GCKR: variants seen among roughly 807,000 people sequenced by gnomAD.
GCKR encodes glucokinase regulatory protein.
GCKR carries 73 observed loss-of-function variants against 82.9 expected under a neutral mutation model. That is an observed-to-expected ratio of 0.88 (90% confidence interval 0.73 to 1.07). The LOEUF is 1.07. Ranked by LOEUF, GCKR falls within the 50% of genes least tolerant of loss-of-function variation. The probability of loss-of-function intolerance (pLI) is 0.00; values close to 1 mark genes in which losing one functional copy is unlikely to be tolerated. For synonymous variants in GCKR, 294 were observed against 291.8 expected (o/e 1.01, Z -0.08); for missense variants, 784 against 782.1 (o/e 1.00, Z -0.03).
intron 16 of GCKR, among the ~76,000 whole-genome samples, chr2:27,511,589 G>A (rs1186898269): frequency 2.0e-5 from 3 of 151,610 alleles, no homozygotes; most frequent in African/African-American, 7.3e-5. Context: ...ATCCCAGCTA[G>A]TCGGGAGGCT....
intron 16 of GCKR, among the ~76,000 whole-genome samples, chr2:27,513,671 ATTAT>A (rs933449145): frequency 6.6e-6 from 1 of 151,892 alleles, no homozygotes; most frequent in Non-Finnish European, 1.5e-5. Flanking sequence ...CTTATTATTC[ATTAT>A]TTATTTTAAT....
At chr2:27,511,234 G>T (rs1004066210) in intron 16 of GCKR, among the ~76,000 whole-genome samples, 3 of 151,718 alleles carry the variant, frequency 2.0e-5, no homozygotes, top group Non-Finnish European at 2.9e-5. Context: ...CACCATGTTG[G>T]CCGGGCTGGT....
chr2:27,505,268 C>T (rs1316761195), intron 9 of GCKR, among the ~76,000 whole-genome samples: 16 of 140,100 alleles, frequency 1.1e-4, no homozygotes, highest in Non-Finnish European at 1.7e-4. Context: ...TGGTGGCGGG[C>T]GCCTGTAGTC....
chr2:27,512,015 C>A (rs1669894511), intron 16 of GCKR, among the ~76,000 whole-genome samples: 1 of 151,844 alleles, frequency 6.6e-6, no homozygotes, highest in South Asian at 2.1e-4. Flanking sequence ...CCAAGGCAGG[C>A]AGATCACAAG....
intron 16 of GCKR, 39 bp downstream of exon 16, chr2:27,508,290 T>C (rs1255691097): frequency 2.4e-6 from 3 of 1,265,480 alleles, no homozygotes; most frequent in African/African-American, 2.9e-5. Flanking sequence ...AGTAAGGGGC[T>C]CAGAGGGTGA....
At position 27,501,135 on chromosome 2, in the gene GCKR, G is replaced by C. The variant is rs200192409; in HGVS notation, c.550G>C (p.Ala184Pro). 2 of 1,609,186 alleles carry C rather than the reference G, an allele frequency of 1.2e-6. No homozygotes were observed. Among genetic ancestry groups the C allele is most frequent in the African/African-American group, 2.7e-5 (2 of 74,932 alleles). ...IVIGISVGLS[A>P]PFVAGQMDCC... ...TGCCCTTCTCTCTCTTCACCATCAG[G>C]CTCCCTTTGTGGCAGGCCAGATGGA... Residue 184 changes from alanine (A) to proline (P), a missense_variant and splice_region_variant, in exon 8 of 19, where the codon GCT becomes CCT. By Grantham distance (27) the Ala-to-Pro change is conservative (BLOSUM62 -1). Coordinates refer to ENST00000264717, the MANE Select transcript of GCKR (RefSeq NM_001486.4).
At chr2:27,507,177 G>A in intron 12 of GCKR, 58 bp from the exon 13 acceptor site, 1 of 1,212,634 alleles carries the variant, frequency 8.2e-7, no homozygotes, top group Admixed American at 1.7e-5. Flanking sequence ...CTGAAGCCTA[G>A]AACCTTCCTT....
Position 27,496,840 on chromosome 2 carries a change from T to C in GCKR, c.-65T>C, listed in dbSNP as rs1669423127. On this transcript the variant is annotated 5_prime_UTR_variant, in exon 1 of 19. Coordinates refer to ENST00000264717, the MANE Select transcript of GCKR (RefSeq NM_001486.4). ...GCCCTGCCAACTGGAAGCAGAGTCA[T>C]TGTGACCAGAGGGGTTTGTGTGGCT... The C allele has an allele frequency of 5.2e-6, 7 of 1,343,960 alleles. No individual in the cohort carries two copies. Among genetic ancestry groups the C allele is most frequent in the East Asian group, 4.6e-5 (2 of 43,664 alleles). 83.3% of individuals were successfully genotyped at this position (1,343,960 alleles called of 1,614,324 possible).
chr2:27,506,754 ATC>A (rs767426540), intron 11 of GCKR, 32 bp from the exon 12 acceptor site: 5 of 1,377,730 alleles, frequency 3.6e-6, no homozygotes, highest in East Asian at 2.3e-5. Context: ...TTGCACGGTG[ATC>A]TCTCATGTCC....
Position 27,507,752 on chromosome 2 carries a change from T to C in GCKR, c.1215T>C (p.Thr405=), listed in dbSNP as rs140213973. Residue 405 remains threonine, a synonymous_variant, in exon 14 of 19, where the codon ACT becomes ACC. Transcript: ENST00000264717. ...SILPSLTEID[T]VVFIFTLDDN... ...TTCCCTCTCTCACGGAAATCGATAC[T>C]GTGGTCTTCATTTTCACCCTGGATG... is the stretch of plus-strand genomic sequence containing the variant. The C allele has an allele frequency of 2.5e-3, 4,018 of 1,600,566 alleles. 9 individuals carry two copies. Among genetic ancestry groups the C allele is most frequent in the Non-Finnish European group, 3.1e-3 (3,563 of 1,167,684 alleles).
Position 27,507,743 on chromosome 2 carries a change from A to G in GCKR, c.1206A>G (p.Glu402=). ...FLTSILPSLT[E]IDTVVFIFTL... ...CTTCCATCCTTCCCTCTCTCACGGA[A>G]ATCGATACTGTGGTCTTCATTTTCA... is the stretch of plus-strand genomic sequence containing the variant. The change falls in exon 14 of 19, where the codon GAA becomes GAG. Residue 402 remains glutamate (E), a synonymous_variant. Transcript: ENST00000264717. The G allele has an allele frequency of 6.3e-7, 1 of 1,597,306 alleles. No homozygotes were observed. The highest frequency in any genetic ancestry group is 8.6e-7 in the Non-Finnish European group (1 of 1,164,736).
At chr2:27,499,282 T>C in intron 6 of GCKR, 74 bp downstream of exon 6, 4 of 1,370,416 alleles carry the variant, frequency 2.9e-6, no homozygotes, top group Non-Finnish European at 4.2e-6. Context: ...AGCCCCAGCA[T>C]TCAGCCAAAG....
chr2:27,511,202 A>C (rs1669874135), intron 16 of GCKR, among the ~76,000 whole-genome samples: 1 of 151,078 alleles, frequency 6.6e-6, no homozygotes, highest in African/African-American at 2.4e-5. Flanking sequence ...TACTTTTTTC[A>C]TTTTTTGTAG....
intron 16 of GCKR, among the ~76,000 whole-genome samples, chr2:27,511,467 C>T (rs894131603): frequency 7.9e-5 from 12 of 151,654 alleles, no homozygotes; most frequent in African/African-American, 2.2e-4. Flanking sequence ...GATGCCAAGG[C>T]GGGCAGGTCA....
chr2:27,507,820 A>G (rs1474016783), intron 14 of GCKR, 43 bp downstream of exon 14: 1 of 1,271,236 alleles, frequency 7.9e-7, no homozygotes, highest in Admixed American at 1.7e-5. Flanking sequence ...GGAGGGGGAA[A>G]TAGAATGGTT....
intron 8 of GCKR, among the ~76,000 whole-genome samples, chr2:27,501,523 G>A (rs1005624765): frequency 3.3e-5 from 5 of 152,224 alleles, no homozygotes; most frequent in Admixed American, 2.6e-4. Context: ...GGAATAAAAT[G>A]GAGGATAAAA....
At chr2:27,518,147 G>A (rs1454404688) in intron 16 of GCKR, among the ~76,000 whole-genome samples, 2 of 152,170 alleles carry the variant, frequency 1.3e-5, no homozygotes, top group African/African-American at 4.8e-5. Context: ...CCGGGTTCAA[G>A]TGATTCTTGT....
At chr2:27,506,109 G>A (rs983994279) in intron 10 of GCKR, among the ~76,000 whole-genome samples, 4 of 152,092 alleles carry the variant, frequency 2.6e-5, no homozygotes, top group African/African-American at 9.7e-5. Context: ...TGGCTCCCTA[G>A]GGTCCTTTGA....
intron 1 of GCKR, 136 bp downstream of exon 1, chr2:27,497,100 A>G (rs1210408846): frequency 1.5e-5 from 19 of 1,226,318 alleles, no homozygotes; most frequent in Non-Finnish European, 1.9e-5. Context: ...CAGAGCACCA[A>G]GTGCAGGCTG....
Sources: allele counts gnomAD v4.1 joint callset (sites outside exome capture counted in the v4.1 genomes callset), GRCh38; gene constraint gnomAD v4.1.1; transcripts MANE v1.5; gene names NCBI Gene and HGNC (gene_info 2026-07-23, HGNC 2026-07-21).